Variants in SLC9A1 observed in about 807,000 individuals in gnomAD.
The protein encoded by SLC9A1 is sodium/hydrogen exchanger 1.
A neutral mutation model predicts 67.9 loss-of-function variants in SLC9A1; 22 were observed. The observed-to-expected ratio is 0.32, with a 90% CI of 0.23 to 0.46. SLC9A1 has a LOEUF of 0.46. SLC9A1 is among the 20% of genes least tolerant of loss of function. The pLI is 1.00. For missense variants in SLC9A1, 686 were observed against 1,094.8 expected (o/e 0.63, Z 5.27); for synonymous variants, 421 against 471.8 (o/e 0.89, Z 1.40).
intron 1 of SLC9A1, among the ~76,000 whole-genome samples, chr1:27,121,795 T>A (rs1333170374): frequency 6.6e-6 from 1 of 152,064 alleles, no homozygotes; most frequent in African/African-American, 2.4e-5. Context: ...AGCAGGAAAC[T>A]CTTCCTCACC....
chr1:27,104,334 G>T (rs1032572285), intron 5 of SLC9A1, among the ~76,000 whole-genome samples: 2 of 151,922 alleles, frequency 1.3e-5, no homozygotes, highest in Non-Finnish European at 2.9e-5. Flanking sequence ...CGCCTGCCTC[G>T]GCCTCCCAAA....
chr1:27,111,473 A>G (rs924747882), intron 2 of SLC9A1, among the ~76,000 whole-genome samples: 1 of 152,094 alleles, frequency 6.6e-6, no homozygotes, highest in Non-Finnish European at 1.5e-5. Flanking sequence ...TAACTGTGTC[A>G]ACCTCATGGA....
At chr1:27,144,427 G>A (rs1188090817) in intron 1 of SLC9A1, among the ~76,000 whole-genome samples, 1 of 152,188 alleles carries the variant, frequency 6.6e-6, no homozygotes, top group African/African-American at 2.4e-5. Context: ...GAGCCAAGCC[G>A]AGGGAGGTGG....
In SLC9A1 at chr1:27,109,822, G is replaced by T. The variant is rs776021337; in HGVS notation, c.814-45C>A. The T allele has an allele frequency of 1.2e-6, 2 of 1,608,132 alleles. No homozygotes were observed. Among genetic ancestry groups the T allele is most frequent in the Non-Finnish European group, 8.5e-7 (1 of 1,177,272 alleles). On this transcript the variant is annotated intron_variant, in intron 2 of 11. Transcript: ENST00000263980. The surrounding 1 kb of genome is among the most constrained non-coding windows in gnomAD (Gnocchi z 5.5). ...TGGTGGGTGGGAGGAGAGGGCCCTG[G>T]CCCCACGGTTCCCTGGGGTCCACCC...
rs2083288376 is a variant in SLC9A1 at position 27,118,893 on chromosome 1, G to C, written c.353-4607C>G. Among the ~76,000 whole-genome samples, 1 of 152,268 alleles carries C rather than the reference G, an allele frequency of 6.6e-6. No individual in the cohort carries two copies. Among genetic ancestry groups the C allele is most frequent in the Admixed American group, 6.5e-5 (1 of 15,294 alleles). On this transcript the variant is annotated intron_variant, in intron 1 of 11. Transcript: ENST00000263980. This position sits in a 1 kb window ranked among gnomAD's most constrained non-coding sequence, Gnocchi z 4.3. ...GGACGTCCAGTCCTCCCAGAACAAG[G>C]AGGCACGAAAGTGTGGAATTCAACA...
chr1:27,103,383 C>G, intron 5 of SLC9A1, 71 bp from the exon 6 acceptor site: 1 of 1,070,530 alleles, frequency 9.3e-7, no homozygotes, highest in Non-Finnish European at 1.5e-6. Flanking sequence ...GCCTCCCTCC[C>G]TCACCCCAGG....
Position 27,125,014 on chromosome 1 carries a change from G to A in SLC9A1, c.353-10728C>T, listed in dbSNP as rs560375752. Reference sequence around the variant, plus strand: ...TTCTCGTCCCCAAACCTGCTCCTCAGGCCCCAAATTTTGGAGTTGTCCTAA... The same window carrying A: ...TTCTCGTCCCCAAACCTGCTCCTCAAGCCCCAAATTTTGGAGTTGTCCTAA... On this transcript the variant is annotated intron_variant, in intron 1 of 11. Transcript: ENST00000263980. Among the ~76,000 whole-genome samples, 125 of 152,032 alleles carry A rather than the reference G, an allele frequency of 8.2e-4. 1 individual carries two copies. Among genetic ancestry groups the A allele is most frequent in the Admixed American group, 1.4e-3 (22 of 15,270 alleles).
intron 1 of SLC9A1, among the ~76,000 whole-genome samples, chr1:27,134,500 T>A (rs80347573): frequency 4.1e-4 from 63 of 152,184 alleles, no homozygotes; most frequent in African/African-American, 1.4e-3. Flanking sequence ...CATTTAAGCC[T>A]GAGAACATAC....
At chr1:27,152,902 G>A (rs1264086568) in intron 1 of SLC9A1, among the ~76,000 whole-genome samples, 1 of 152,200 alleles carries the variant, frequency 6.6e-6, no homozygotes, top group Non-Finnish European at 1.5e-5. Context: ...AGAGGGGACA[G>A]CAGAGTCCCA....
In SLC9A1 at chr1:27,109,763, G is replaced by C; in HGVS notation, c.828C>G (p.Leu276=). 1 of 1,614,036 alleles carries C rather than the reference G, an allele frequency of 6.2e-7. No homozygotes were observed. Among genetic ancestry groups the C allele is most frequent in the East Asian group, 2.2e-5 (1 of 44,888 alleles). The part of the protein sequence containing the change: ...NDAVTVVLYH[L]FEEFANYEHV... ...GTTCGTAGTTGGCAAACTCCTCAAA[G>C]AGGTGATACAGGACCTGGGGAGGGT... The change falls in exon 3 of 12, where the codon CTC becomes CTG. Residue 276 remains leucine (L), a synonymous_variant. Coordinates refer to ENST00000263980, the MANE Select transcript of SLC9A1 (RefSeq NM_003047.5). This position sits in a 1 kb window ranked among gnomAD's most constrained non-coding sequence, Gnocchi z 5.5.
chr1:27,125,850 C>T (rs2083340447), intron 1 of SLC9A1, among the ~76,000 whole-genome samples: 1 of 151,954 alleles, frequency 6.6e-6, no homozygotes, highest in Admixed American at 6.6e-5. Flanking sequence ...CTCAGCCTCC[C>T]AAAGTGCTGA....
intron 1 of SLC9A1, among the ~76,000 whole-genome samples, chr1:27,143,517 G>GTACTC (rs1251265041): frequency 6.6e-6 from 1 of 152,168 alleles, no homozygotes; most frequent in African/African-American, 2.4e-5. Flanking sequence ...CCTGTGCTTT[G>GTACTC]AAGCCAGGGC....
chr1:27,145,983 G>A (rs370823607), intron 1 of SLC9A1, among the ~76,000 whole-genome samples: 4 of 152,148 alleles, frequency 2.6e-5, no homozygotes, highest in African/African-American at 9.7e-5. Context: ...ATATAATCAC[G>A]GGCTGCTTTA....
intron 1 of SLC9A1, among the ~76,000 whole-genome samples, chr1:27,124,295 G>C (rs1399402531): frequency 6.6e-6 from 1 of 152,040 alleles, no homozygotes; most frequent in Non-Finnish European, 1.5e-5. Flanking sequence ...GTACAGTAGA[G>C]CTTGCAAAAT....
chr1:27,122,639 G>T (rs2083312162), intron 1 of SLC9A1, among the ~76,000 whole-genome samples: 1 of 152,190 alleles, frequency 6.6e-6, no homozygotes, highest in Non-Finnish European at 1.5e-5. Context: ...ACCACCACCA[G>T]CCTTCTCCCT....
intron 1 of SLC9A1, among the ~76,000 whole-genome samples, chr1:27,127,499 G>T (rs564832141): frequency 6.6e-6 from 1 of 152,294 alleles, no homozygotes; most frequent in East Asian, 1.9e-4. Flanking sequence ...CCCAAACCCA[G>T]AACTACTGAC....
chr1:27,135,447 A>C (rs897891117), intron 1 of SLC9A1, among the ~76,000 whole-genome samples: 8 of 151,336 alleles, frequency 5.3e-5, no homozygotes, highest in Non-Finnish European at 8.8e-5. Context: ...AGGGAGTAAA[A>C]GGGGTATAAC....
At chr1:27,139,276 T>C (rs1038338224) in intron 1 of SLC9A1, among the ~76,000 whole-genome samples, 10 of 152,130 alleles carry the variant, frequency 6.6e-5, no homozygotes, top group Non-Finnish European at 1.3e-4. Context: ...GGTGAAGGTG[T>C]CTGCACAAAG....
chr1:27,115,092 C>G (rs539869464), intron 1 of SLC9A1, among the ~76,000 whole-genome samples: 1 of 152,220 alleles, frequency 6.6e-6, no homozygotes, highest in South Asian at 2.1e-4. Flanking sequence ...CAAAGTCACA[C>G]AGCAAGTGGG....
Sources: allele counts gnomAD v4.1 joint callset (sites outside exome capture counted in the v4.1 genomes callset), GRCh38; gene constraint gnomAD v4.1.1; non-coding constraint Gnocchi (gnomAD v3.1); transcripts MANE v1.5; gene names NCBI Gene and HGNC (gene_info 2026-07-23, HGNC 2026-07-21).